Variants in TAFA2 observed in about 807,000 individuals in gnomAD.
The protein encoded by TAFA2 is TAFA chemokine like family member 2.
In TAFA2, 7 loss-of-function variants were observed where a neutral mutation model predicts 18.8. The ratio of observed to expected loss-of-function variants is 0.37; its 90% CI spans 0.21 to 0.70. The LOEUF is 0.70. TAFA2 is among the 30% of genes least tolerant of loss of function. TAFA2 has a pLI of 0.53. For missense variants in TAFA2, 122 were observed against 158.1 expected (o/e 0.77, Z 1.23); for synonymous variants, 60 against 54.2 (o/e 1.11, Z -0.47).
chr12:62,226,412 T>G (rs750448847), intron 1 of TAFA2, among the ~76,000 whole-genome samples: 3 of 152,156 alleles, frequency 2.0e-5, no homozygotes, highest in Non-Finnish European at 4.4e-5. Context: ...TTAGCCAAGA[T>G]GGTCTCGATC....
intron 1 of TAFA2, among the ~76,000 whole-genome samples, chr12:62,167,874 A>G (rs950852666): frequency 6.6e-6 from 1 of 152,202 alleles, no homozygotes; most frequent in African/African-American, 2.4e-5. Flanking sequence ...TCACAACCCA[A>G]CTTGAAAAGA....
At chr12:62,128,818 G>A (rs1406231847) in intron 1 of TAFA2, among the ~76,000 whole-genome samples, 1 of 152,016 alleles carries the variant, frequency 6.6e-6, no homozygotes, top group Non-Finnish European at 1.5e-5. Context: ...ACGTACTTCC[G>A]TGGATAAGAT....
intron 1 of TAFA2, among the ~76,000 whole-genome samples, chr12:61,867,948 A>T (rs1378529602): frequency 6.6e-6 from 1 of 152,162 alleles, no homozygotes; most frequent in Admixed American, 6.5e-5. Context: ...TTCTTACTGC[A>T]AAGTAACCTG....
chr12:61,830,868 AT>A (rs200429530), intron 2 of TAFA2, among the ~76,000 whole-genome samples: 32 of 151,822 alleles, frequency 2.1e-4, no homozygotes, highest in Non-Finnish European at 3.4e-4. Context: ...TCAGCTGAAT[AT>A]TTTTTTTAAC....
chr12:62,113,982 C>T (rs551856608), intron 1 of TAFA2, among the ~76,000 whole-genome samples: 2 of 152,308 alleles, frequency 1.3e-5, no homozygotes, highest in East Asian at 3.9e-4. Context: ...GCTTACGCCC[C>T]TTTCCAAGGG....
intron 1 of TAFA2, among the ~76,000 whole-genome samples, chr12:61,922,082 C>T (rs1181853371): frequency 6.6e-6 from 1 of 151,254 alleles, no homozygotes; most frequent in Non-Finnish European, 1.5e-5. Context: ...AGAAGTACCA[C>T]AAAGACCAGA....
chr12:62,011,456 C>A (rs1245774005), intron 1 of TAFA2, among the ~76,000 whole-genome samples: 1 of 152,108 alleles, frequency 6.6e-6, no homozygotes. Context: ...ACCCCCAACC[C>A]CATGCTCTCT....
chr12:62,062,258 A>G (rs1297219019), intron 1 of TAFA2, among the ~76,000 whole-genome samples: 1 of 152,198 alleles, frequency 6.6e-6, no homozygotes, highest in Non-Finnish European at 1.5e-5. Flanking sequence ...TTTCAAGATC[A>G]AGTCTACTGT....
intron 1 of TAFA2, among the ~76,000 whole-genome samples, chr12:61,909,610 A>T (rs963248681): frequency 6.6e-6 from 1 of 152,186 alleles, no homozygotes; most frequent in Non-Finnish European, 1.5e-5. Context: ...CAGTAGCGAT[A>T]GTCATGTGGG....
upstream of TAFA2, among the ~76,000 whole-genome samples, chr12:62,259,206 C>T (rs2062966836): frequency 6.6e-6 from 1 of 152,184 alleles, no homozygotes; most frequent in African/African-American, 2.4e-5. Flanking sequence ...CTTTTCACAT[C>T]AATATGGTAT....
chr12:62,242,877 T>A (rs1192243390), intron 1 of TAFA2, among the ~76,000 whole-genome samples: 1 of 152,202 alleles, frequency 6.6e-6, no homozygotes, highest in Non-Finnish European at 1.5e-5. Context: ...CTTGTAAACA[T>A]AATCTATGAG....
At chr12:61,898,376 C>T (rs1461184054) in intron 1 of TAFA2, among the ~76,000 whole-genome samples, 1 of 152,232 alleles carries the variant, frequency 6.6e-6, no homozygotes, top group African/African-American at 2.4e-5. Context: ...CCACATTTCC[C>T]TTCTGAACTG....
chr12:61,932,659 C>G (rs111678586), intron 1 of TAFA2, among the ~76,000 whole-genome samples: 1 of 152,160 alleles, frequency 6.6e-6, no homozygotes, highest in Non-Finnish European at 1.5e-5. Flanking sequence ...CCAGGCTGGT[C>G]TTGAACTCTT....
intron 4 of TAFA2, among the ~76,000 whole-genome samples, chr12:61,728,817 T>C (rs1870301529): frequency 6.6e-6 from 1 of 151,974 alleles, no homozygotes; most frequent in Middle Eastern, 3.2e-3. Context: ...TTTTTCATTG[T>C]ATTATTGTTT....
intron 1 of TAFA2, among the ~76,000 whole-genome samples, chr12:61,998,421 C>T (rs746357310): frequency 2.0e-5 from 3 of 152,152 alleles, no homozygotes; most frequent in African/African-American, 4.8e-5. Flanking sequence ...TGAGCCTAGA[C>T]GTAAAAATGC....
intron 2 of TAFA2, among the ~76,000 whole-genome samples, chr12:61,823,022 A>G (rs199677192): frequency 2.0e-5 from 3 of 151,918 alleles, no homozygotes; most frequent in Non-Finnish European, 4.4e-5. Flanking sequence ...AACATAGGAA[A>G]TACTCTTTTA....
intron 1 of TAFA2, among the ~76,000 whole-genome samples, chr12:62,154,835 A>T (rs1049544419): frequency 6.6e-6 from 1 of 152,192 alleles, no homozygotes; most frequent in Non-Finnish European, 1.5e-5. Flanking sequence ...ATTTTAGACA[A>T]TATAAATTAA....
chr12:62,081,442 C>A (rs899107302), intron 1 of TAFA2, among the ~76,000 whole-genome samples: 4 of 151,636 alleles, frequency 2.6e-5, no homozygotes, highest in Non-Finnish European at 5.9e-5. Context: ...AAGCAGATTC[C>A]AATTTTTTTC....
chr12:61,848,025 A>G (rs11609198), intron 2 of TAFA2, among the ~76,000 whole-genome samples: 43,139 of 152,094 alleles, frequency 0.28, 6,841 homozygotes, highest in South Asian at 0.4. Flanking sequence ...AGAAACAATT[A>G]ATTCAATTGA....
Sources: allele counts gnomAD v4.1 joint callset (sites outside exome capture counted in the v4.1 genomes callset), GRCh38; gene constraint gnomAD v4.1.1; transcripts MANE v1.5; gene names NCBI Gene and HGNC (gene_info 2026-07-23, HGNC 2026-07-21).